The following ARHGEF9 variants were observed in gnomAD, a reference collection of about 807,000 sequenced individuals.
The protein encoded by ARHGEF9 is Cdc42 guanine nucleotide exchange factor 9.
ARHGEF9 carries 2 observed loss-of-function variants against 41.3 expected under a neutral mutation model. That is an observed-to-expected ratio of 0.05 (90% CI 0.02 to 0.15). ARHGEF9 has a LOEUF of 0.15. Ranked by LOEUF, ARHGEF9 falls within the 10% of genes least tolerant of loss-of-function variation. The pLI is 1.00. For missense variants in ARHGEF9, 225 were observed against 424.7 expected, an observed-to-expected ratio of 0.53 and a Z score of 4.13; for synonymous variants, 160 against 154.4, an observed-to-expected ratio of 1.04 and a Z score of -0.27.
chrX:63,692,793 G>T (rs2051441569), intron 4 of ARHGEF9, among the ~76,000 whole-genome samples: 1 of 112,016 alleles, frequency 8.9e-6, no homozygotes, highest in Non-Finnish European at 1.9e-5. Context: ...AAATAGCCAA[G>T]ATATGGAATC....
In ARHGEF9 at chrX:63,638,221, G is replaced by A. The variant is rs2047417425; in HGVS notation, c.1391-12C>T. 10 of 1,167,752 alleles carry A rather than the reference G, an allele frequency of 8.6e-6. No homozygotes were observed. In the Admixed American group the frequency reaches 2.3e-4, roughly 27 times the overall value. The stretch of plus-strand genomic sequence containing the variant: ...GGCAGAGTTGACACCTAGAGTAGAT[G>A]AGAGATCAAAGGGAAAGGGTATAAG... On this transcript the variant is annotated splice_polypyrimidine_tract_variant and intron_variant, in intron 9 of 9. Transcript: ENST00000671741.
intron 4 of ARHGEF9, among the ~76,000 whole-genome samples, chrX:63,695,337 C>G (rs782376485): frequency 2.7e-5 from 3 of 112,065 alleles, no homozygotes; most frequent in Non-Finnish European, 5.6e-5. Flanking sequence ...TTTGTTGCTA[C>G]ATAATACCTC....
At chrX:63,731,269 T>G (rs1349237393) in intron 1 of ARHGEF9, among the ~76,000 whole-genome samples, 4 of 111,896 alleles carry the variant, frequency 3.6e-5, no homozygotes, top group Non-Finnish European at 7.5e-5. Context: ...GAGCAAATTA[T>G]TTTCCCTTGC....
Position 63,746,160 on chromosome X carries a change from C to T in ARHGEF9, c.31-21449G>A, listed in dbSNP as rs782485485. ...TGTTTTTTCTCCTACTGCAAGTCTG[C>T]CTTCCCTATGCTATCCTTCTGCCAT... On this transcript the variant is annotated intron_variant, in intron 1 of 9. Transcript: ENST00000671741. Among the ~76,000 whole-genome samples, 6 of 111,389 alleles carry T rather than the reference C, an allele frequency of 5.4e-5. No individual in the cohort carries two copies. In the East Asian group the frequency reaches 1.1e-3, roughly 21 times the overall value.
chrX:63,687,115 C>CA (rs1602400921), intron 4 of ARHGEF9, among the ~76,000 whole-genome samples: 1 of 111,166 alleles, frequency 9.0e-6, no homozygotes. Context: ...CATCTGACCT[C>CA]AAAAAAGACA....
chrX:63,768,690 G>T (rs782226076), intron 1 of ARHGEF9, among the ~76,000 whole-genome samples: 11 of 111,787 alleles, frequency 9.8e-5, no homozygotes, highest in African/African-American at 3.6e-4. Flanking sequence ...AAATCATGGG[G>T]CAGTCTCCCC....
chrX:63,773,025 C>T (rs782804455), intron 1 of ARHGEF9, among the ~76,000 whole-genome samples: 1 of 111,395 alleles, frequency 9.0e-6, no homozygotes, highest in Non-Finnish European at 1.9e-5. Context: ...CTAGGATGAC[C>T]CTTTGACAGT....
At chrX:63,700,468 G>A (rs1467252609) in intron 3 of ARHGEF9, among the ~76,000 whole-genome samples, 1 of 111,765 alleles carries the variant, frequency 8.9e-6, no homozygotes, top group Non-Finnish European at 1.9e-5. Flanking sequence ...ATTTTTGAAG[G>A]TATGTAAGTT....
chrX:63,728,079 G>A (rs782440451), intron 1 of ARHGEF9, among the ~76,000 whole-genome samples: 3 of 111,883 alleles, frequency 2.7e-5, no homozygotes, highest in East Asian at 5.6e-4. Flanking sequence ...TGAGAGGAAC[G>A]CTAATCCAGA....
intron 1 of ARHGEF9, chrX:63,766,853 G>C: frequency 3.1e-6 from 1 of 318,503 alleles, no homozygotes; most frequent in Non-Finnish European, 5.7e-6. Context: ...CCCCCACGCG[G>C]CCCCTCATCC....
chrX:63,719,558 G>A (rs2053521583), intron 2 of ARHGEF9: 1 of 291,145 alleles, frequency 3.4e-6, no homozygotes, highest in Non-Finnish European at 6.0e-6. Context: ...ACATTGTTTT[G>A]GAACTCTAGA....
chrX:63,727,474 T>G (rs2054042401), intron 1 of ARHGEF9: 1 of 111,594 alleles, frequency 9.0e-6, no homozygotes, highest in Non-Finnish European at 1.9e-5. Flanking sequence ...AGGGCCTACT[T>G]AGAATCAATG....
intron 2 of ARHGEF9, among the ~76,000 whole-genome samples, chrX:63,723,537 T>G (rs1396991111): frequency 8.9e-6 from 1 of 111,964 alleles, no homozygotes; most frequent in African/African-American, 3.2e-5. Context: ...TAAGACACCC[T>G]CATGTAGCTT....
chrX:63,683,681 A>T (rs1556372145), intron 4 of ARHGEF9, among the ~76,000 whole-genome samples: 1 of 111,774 alleles, frequency 8.9e-6, no homozygotes. Flanking sequence ...GAGAGTCCAG[A>T]AATAAACCGA....
intron 4 of ARHGEF9, among the ~76,000 whole-genome samples, chrX:63,692,318 C>T (rs2051406279): frequency 8.9e-6 from 1 of 111,911 alleles, no homozygotes; most frequent in African/African-American, 3.2e-5. Flanking sequence ...TCTGACAAAA[C>T]ATTAATAGCC....
At chrX:63,681,328 C>A (rs1407081262) in intron 4 of ARHGEF9, among the ~76,000 whole-genome samples, 6 of 111,707 alleles carry the variant, frequency 5.4e-5, no homozygotes, top group African/African-American at 2.0e-4. Flanking sequence ...GGAATACTGT[C>A]CAGAATAGAC....
chrX:63,749,482 C>G (rs1265808085), intron 1 of ARHGEF9, among the ~76,000 whole-genome samples: 1 of 111,423 alleles, frequency 9.0e-6, no homozygotes, highest in Non-Finnish European at 1.9e-5. Flanking sequence ...CCACCGGCCT[C>G]AGCCTCCCAA....
chrX:63,685,429 GTTT>G (rs1356153049), intron 4 of ARHGEF9, among the ~76,000 whole-genome samples: 2 of 111,359 alleles, frequency 1.8e-5, no homozygotes, highest in African/African-American at 6.5e-5. Context: ...CACTGATAGG[GTTT>G]TTGTTTGCTT....
At chrX:63,774,763 G>A (rs1556457115) in intron 1 of ARHGEF9, among the ~76,000 whole-genome samples, 4 of 111,399 alleles carry the variant, frequency 3.6e-5, no homozygotes, top group African/African-American at 6.5e-5. Context: ...CATAGGCCCT[G>A]GAAAAGATTT....
Sources: gnomAD v4.1 joint callset for allele counts (sites outside exome capture counted in the v4.1 genomes callset) on GRCh38, gnomAD v4.1.1 for gene constraint, MANE v1.5 for transcripts, NCBI Gene and HGNC (gene_info 2026-07-23, HGNC 2026-07-21) for gene names.